The following TTC12 variants were observed in gnomAD, a reference collection of about 807,000 sequenced individuals.
TTC12 encodes the protein tetratricopeptide repeat protein 12.
A neutral mutation model predicts 90.1 loss-of-function variants in TTC12; 70 were observed. The observed-to-expected ratio is 0.78, with a 90% CI of 0.64 to 0.95. TTC12 has a LOEUF of 0.95. TTC12 is among the 40% of genes least tolerant of loss of function. TTC12 has a pLI of 0.00. For synonymous variants in TTC12, 296 were observed against 311.5 expected (o/e 0.95, Z 0.53); for missense variants, 819 against 846.1 (o/e 0.97, Z 0.40).
intron 16 of TTC12, among the ~76,000 whole-genome samples, chr11:113,355,695 T>G (rs1317397842): frequency 1.3e-5 from 2 of 152,230 alleles, no homozygotes; most frequent in Admixed American, 6.5e-5. Context: ...TTAAAGAACT[T>G]CTTGATTTCT....
At chr11:113,349,484 T>A (rs868940948) in intron 13 of TTC12, among the ~76,000 whole-genome samples, 14 of 152,212 alleles carry the variant, frequency 9.2e-5, no homozygotes, top group African/African-American at 2.9e-4. Flanking sequence ...TTAGACTGTT[T>A]GCTCATTTTG....
intron 8 of TTC12, among the ~76,000 whole-genome samples, chr11:113,335,403 A>G (rs966562210): frequency 1.3e-5 from 2 of 152,330 alleles, no homozygotes; most frequent in Admixed American, 1.3e-4. Flanking sequence ...TATATCGTTA[A>G]AAGTAGCTTT....
chr11:113,327,981 G>A (rs911967575), intron 6 of TTC12, among the ~76,000 whole-genome samples: 1 of 152,160 alleles, frequency 6.6e-6, no homozygotes, highest in Non-Finnish European at 1.5e-5. Flanking sequence ...TCCTCACTTG[G>A]GTTGGATACT....
intron 7 of TTC12, among the ~76,000 whole-genome samples, chr11:113,331,267 CT>C (rs1272589599): frequency 1.3e-5 from 2 of 152,140 alleles, no homozygotes; most frequent in Non-Finnish European, 2.9e-5. Flanking sequence ...ATCCACTAAC[CT>C]GCTTTGTCGC....
downstream of TTC12, chr11:113,368,140 CAAAG>C (rs1950272883): frequency 1.5e-6 from 2 of 1,326,980 alleles, no homozygotes; most frequent in Non-Finnish European, 2.0e-6. Flanking sequence ...TTCTCTTCCC[CAAAG>C]AGTGGGGAAT....
chr11:113,333,514 T>G (rs1444344770), intron 7 of TTC12, among the ~76,000 whole-genome samples: 1 of 152,174 alleles, frequency 6.6e-6, no homozygotes, highest in Non-Finnish European at 1.5e-5. Context: ...CTTGAGAGTT[T>G]AATGGCCAGA....
intron 5 of TTC12, among the ~76,000 whole-genome samples, chr11:113,325,280 C>G (rs763597299): frequency 1.3e-5 from 2 of 151,964 alleles, no homozygotes; most frequent in Non-Finnish European, 1.5e-5. Context: ...TGGTTCTCAG[C>G]CTCAATGCAG....
intron 17 of TTC12, 30 bp downstream of exon 17, chr11:113,359,491 C>T: frequency 6.8e-7 from 1 of 1,470,562 alleles, no homozygotes; most frequent in Non-Finnish European, 9.5e-7. Flanking sequence ...CTGCCTGGAG[C>T]CCTGGGACAA....
chr11:113,354,870 TG>T (rs1949531614), intron 16 of TTC12, among the ~76,000 whole-genome samples: 10 of 152,192 alleles, frequency 6.6e-5, no homozygotes, highest in African/African-American at 2.4e-4. Flanking sequence ...AGTATTTTGT[TG>T]AGGATATTTG....
chr11:113,348,297 G>A (rs1213417001), intron 13 of TTC12, among the ~76,000 whole-genome samples: 1 of 152,120 alleles, frequency 6.6e-6, no homozygotes, highest in Non-Finnish European at 1.5e-5. Context: ...AAGTGACCTG[G>A]CTCTCCCTCA....
At chr11:113,349,765 G>A (rs782526846) in intron 13 of TTC12, among the ~76,000 whole-genome samples, 6 of 152,208 alleles carry the variant, frequency 3.9e-5, no homozygotes, top group Non-Finnish European at 2.9e-5. Flanking sequence ...TAATGAACCT[G>A]ACTGAGCCAG....
chr11:113,350,177 A>G lies in TTC12; in HGVS notation c.1247+12A>G, dbSNP rs1555149623. 3 of 1,565,124 alleles carry G rather than the reference A, an allele frequency of 1.9e-6. No individual in the cohort carries two copies. Among genetic ancestry groups the G allele is most frequent in the Admixed American group, 3.4e-5 (2 of 59,376 alleles). On this transcript the variant is annotated intron_variant, in intron 14 of 21. Transcript: ENST00000529221. ...GCTCTGGAAGAAAGGTAATTTTTTTATTTATAGAAATTGACATTTCTTCTT... is the reference window on the plus strand; with the variant it reads ...GCTCTGGAAGAAAGGTAATTTTTTTGTTTATAGAAATTGACATTTCTTCTT...
Position 113,366,339 on chromosome 11 carries a change from T to G in TTC12, c.*39T>G. On this transcript the variant is annotated 3_prime_UTR_variant, in exon 22 of 22. Transcript: ENST00000529221. ...TGTGTGCATTTGGGGAACACACAGA[T>G]GCACACCGTGTGTTGTTCCTATGCT... is the stretch of plus-strand genomic sequence containing the variant. The G allele has an allele frequency of 6.2e-7, 1 of 1,611,090 alleles. No individual in the cohort carries two copies. Among genetic ancestry groups the G allele is most frequent in the Non-Finnish European group, 8.5e-7 (1 of 1,179,816 alleles).
intron 16 of TTC12, among the ~76,000 whole-genome samples, chr11:113,357,145 T>G (rs1485251462): frequency 1.3e-5 from 2 of 152,196 alleles, no homozygotes; most frequent in Non-Finnish European, 2.9e-5. Flanking sequence ...TTTTATCTAT[T>G]CTTGTCTGAC....
intron 2 of TTC12, 43 bp downstream of exon 2, chr11:113,316,358 G>A: frequency 9.5e-7 from 1 of 1,052,118 alleles, no homozygotes; most frequent in Non-Finnish European, 1.3e-6. Context: ...CTTTAGAGAA[G>A]TGGAGTAGAT....
intron 2 of TTC12, among the ~76,000 whole-genome samples, chr11:113,323,018 C>G (rs929837618): frequency 5.5e-5 from 8 of 146,382 alleles, no homozygotes; most frequent in African/African-American, 1.8e-4. Context: ...ATGAGCTCTC[C>G]ATAAATTATT....
At chr11:113,354,137 TTGAACTG>T (rs756492425) in intron 16 of TTC12, among the ~76,000 whole-genome samples, 221 of 152,352 alleles carry the variant, frequency 1.5e-3, no homozygotes, top group Admixed American at 2.2e-3. Flanking sequence ...TCTGATTTCT[TTGAACTG>T]TGTTTTGTAG....
intron 2 of TTC12, among the ~76,000 whole-genome samples, chr11:113,317,350 C>T (rs1947004405): frequency 6.6e-6 from 1 of 152,148 alleles, no homozygotes; most frequent in Admixed American, 6.5e-5. Context: ...CCTACCCTCA[C>T]CTTCATCCTG....
At chr11:113,327,510 A>T (rs2137942650) in intron 6 of TTC12, among the ~76,000 whole-genome samples, 1 of 152,326 alleles carries the variant, frequency 6.6e-6, no homozygotes, top group South Asian at 2.1e-4. Flanking sequence ...TGATCAATAG[A>T]TTGCCGGTAT....
Sources: gnomAD v4.1 joint callset for allele counts (sites outside exome capture counted in the v4.1 genomes callset) on GRCh38, gnomAD v4.1.1 for gene constraint, MANE v1.5 for transcripts, NCBI Gene and HGNC (gene_info 2026-07-23, HGNC 2026-07-21) for gene names.